Variants in DLC1 observed in about 807,000 individuals in gnomAD.
The protein encoded by DLC1 is rho GTPase-activating protein 7.
In DLC1, 54 loss-of-function variants were observed where a neutral mutation model predicts 140.3. The observed-to-expected ratio is 0.38, with a 90% CI of 0.31 to 0.48. The LOEUF (loss-of-function observed/expected upper bound fraction) is 0.48. DLC1 is among the 20% of genes least tolerant of loss of function. DLC1 has a pLI of 0.96. For synonymous variants in DLC1, 986 were observed against 728.1 expected (o/e 1.35, Z -5.70); for missense variants, 2,536 against 1,907.0 (o/e 1.33, Z -6.14).
At chr8:13,297,724 TC>T (rs1832022067) in intron 5 of DLC1, among the ~76,000 whole-genome samples, 1 of 152,060 alleles carries the variant, frequency 6.6e-6, no homozygotes, top group Non-Finnish European at 1.5e-5. Flanking sequence ...AATAGAGCAG[TC>T]CTGTTTTAAT....
intron 5 of DLC1, among the ~76,000 whole-genome samples, chr8:13,251,066 C>T (rs1004124970): frequency 6.6e-5 from 10 of 152,128 alleles, no homozygotes; most frequent in African/African-American, 2.4e-4. Context: ...TCTGGTGAGG[C>T]CTCTCTCCCT....
chr8:13,561,708 T>C (rs1021088), intron 1 of DLC1, among the ~76,000 whole-genome samples: 91,462 of 151,990 alleles, frequency 0.6, 27,753 homozygotes, highest in East Asian at 0.66. Flanking sequence ...TTATATCATG[T>C]AGGTAATTCT....
intron 5 of DLC1, among the ~76,000 whole-genome samples, chr8:13,147,808 T>C (rs1823542107): frequency 6.6e-6 from 1 of 151,956 alleles, no homozygotes; most frequent in Non-Finnish European, 1.5e-5. Context: ...GCCAACATGG[T>C]GAAACCCCGT....
intron 2 of DLC1, among the ~76,000 whole-genome samples, chr8:13,418,830 T>C (rs1394797889): frequency 6.6e-6 from 1 of 152,184 alleles, no homozygotes; most frequent in Non-Finnish European, 1.5e-5. Flanking sequence ...ACAATATTGA[T>C]TCTTCCTACC....
intron 5 of DLC1, among the ~76,000 whole-genome samples, chr8:13,225,673 A>T (rs142685617): frequency 0.019 from 2,746 of 147,516 alleles, 96 homozygotes; most frequent in African/African-American, 0.064. Context: ...TGGAGTGCAG[A>T]GGCGCGGCCT....
chr8:13,303,275 G>A (rs926196348), intron 5 of DLC1, among the ~76,000 whole-genome samples: 2 of 152,048 alleles, frequency 1.3e-5, no homozygotes, highest in Non-Finnish European at 2.9e-5. Context: ...ATCTGAGATG[G>A]GGCATCCTGG....
intron 1 of DLC1, among the ~76,000 whole-genome samples, chr8:13,557,162 C>A (rs1352617092): frequency 6.6e-6 from 1 of 152,138 alleles, no homozygotes; most frequent in African/African-American, 2.4e-5. Flanking sequence ...TCACCTTCTT[C>A]CTCAAGTGCT....
At chr8:13,466,615 C>G (rs1799954520) in intron 2 of DLC1, among the ~76,000 whole-genome samples, 2 of 152,170 alleles carry the variant, frequency 1.3e-5, no homozygotes, top group Admixed American at 1.3e-4. Context: ...TGTAAACATC[C>G]ACAACCATCT....
At position 13,320,166 on chromosome 8, in the gene DLC1, C is replaced by G. The variant is rs531511726; in HGVS notation, c.1315-14864G>C. The stretch of plus-strand genomic sequence containing the variant: ...GGCTGACAAAAGGCTGGTTTGGGTT[C>G]TAAGTTATTAAATTGGCACTATGTC... On this transcript the variant is annotated intron_variant, in intron 4 of 17. Coordinates refer to ENST00000276297, the MANE Select transcript of DLC1 (RefSeq NM_182643.3). 3.7e-4 allele frequency among the ~76,000 whole-genome samples: 57 copies of G among 152,228 alleles called. 1 individual carries two copies. The East Asian group carries it at 0.011, about 28-fold the overall frequency.
chr8:13,278,480 C>G (rs1208075968), intron 5 of DLC1, among the ~76,000 whole-genome samples: 3 of 152,202 alleles, frequency 2.0e-5, no homozygotes, highest in South Asian at 2.1e-4. Context: ...GACCTCAACT[C>G]TGTCTTCGAG....
At chr8:13,092,010 G>C (rs989353863) in intron 13 of DLC1, among the ~76,000 whole-genome samples, 2 of 152,176 alleles carry the variant, frequency 1.3e-5, no homozygotes, top group African/African-American at 4.8e-5. Context: ...ACTTTGGGAG[G>C]CTAAGCCGGG....
At chr8:13,374,029 G>T (rs114369917) in intron 4 of DLC1, among the ~76,000 whole-genome samples, 1 of 152,290 alleles carries the variant, frequency 6.6e-6, no homozygotes, top group African/African-American at 2.4e-5. Flanking sequence ...GAAAAAGTGT[G>T]AATGAAGGAC....
chr8:13,519,526 A>T (rs151046149), upstream of DLC1, among the ~76,000 whole-genome samples: 456 of 152,340 alleles, frequency 3.0e-3, 2 homozygotes, highest in African/African-American at 0.011. Context: ...CATGCGCATG[A>T]TTAGTTTTTT....
chr8:13,553,028 G>C (rs915713235), intron 1 of DLC1, among the ~76,000 whole-genome samples: 1 of 151,114 alleles, frequency 6.6e-6, no homozygotes, highest in Non-Finnish European at 1.5e-5. Flanking sequence ...TATACTAAAA[G>C]CTTGTTACTT....
chr8:13,225,276 C>T (rs764365177), intron 5 of DLC1, among the ~76,000 whole-genome samples: 1 of 152,194 alleles, frequency 6.6e-6, no homozygotes, highest in Non-Finnish European at 1.5e-5. Flanking sequence ...TTTCAAAAGG[C>T]TTCATTCTTT....
intron 2 of DLC1, among the ~76,000 whole-genome samples, chr8:13,477,091 C>G (rs181473966): frequency 5.3e-5 from 8 of 152,252 alleles, no homozygotes; most frequent in Admixed American, 4.6e-4. Flanking sequence ...AGACAGCTTC[C>G]TATTTCTCAC....
chr8:13,400,650 A>G (rs991092072), intron 3 of DLC1, among the ~76,000 whole-genome samples: 2 of 152,196 alleles, frequency 1.3e-5, no homozygotes, highest in South Asian at 2.1e-4. Flanking sequence ...TCAAATTTAT[A>G]TATATGATTT....
At chr8:13,283,433 G>T (rs1831435317) in intron 5 of DLC1, among the ~76,000 whole-genome samples, 1 of 152,124 alleles carries the variant, frequency 6.6e-6, no homozygotes, top group Non-Finnish European at 1.5e-5. Flanking sequence ...CCATTGTTCT[G>T]ATACCAACTC....
At chr8:13,559,074 C>T (rs1449525851) in intron 1 of DLC1, 1 of 152,232 alleles carries the variant, frequency 6.6e-6, no homozygotes, top group South Asian at 2.1e-4. Flanking sequence ...CAAGCAACTG[C>T]CTCTGCTAGC....
Sources: gnomAD v4.1 joint callset for allele counts (sites outside exome capture counted in the v4.1 genomes callset) on GRCh38, gnomAD v4.1.1 for gene constraint, MANE v1.5 for transcripts, NCBI Gene and HGNC (gene_info 2026-07-23, HGNC 2026-07-21) for gene names.